COL11A1: variants seen among roughly 807,000 people sequenced by gnomAD.
The protein encoded by COL11A1 is collagen type XI alpha 1 chain, also known as collagen alpha-1(XI) chain.
COL11A1 carries 74 observed loss-of-function variants against 265.2 expected under a neutral mutation model. The ratio of observed to expected loss-of-function variants is 0.28; its 90% CI spans 0.23 to 0.34. COL11A1 has a LOEUF of 0.34. Among genes scored for constraint, COL11A1 ranks in the 10% least tolerant of loss-of-function variants. COL11A1 has a pLI of 1.00. For synonymous variants in COL11A1, 816 were observed against 727.6 expected, an observed-to-expected ratio of 1.12 and a Z score of -1.96; for missense variants, 2,165 against 2,263.6, an observed-to-expected ratio of 0.96 and a Z score of 0.88.
rs540820034 is a variant in COL11A1 at position 103,061,138 on chromosome 1, C to T, written c.651+13480G>A. On this transcript the variant is annotated intron_variant, in intron 4 of 66. Coordinates refer to ENST00000370096, the MANE Select transcript of COL11A1 (RefSeq NM_001854.4). ...ATTTCACACAGTGCAAACTTTGGAGCAGGGAAAATTATTAGAGATAAAGTG... is the reference window on the plus strand; with the variant it reads ...ATTTCACACAGTGCAAACTTTGGAGTAGGGAAAATTATTAGAGATAAAGTG... 2.0e-5 allele frequency among the ~76,000 whole-genome samples: 3 copies of T among 152,044 alleles called. No homozygotes were observed. In the South Asian group the frequency reaches 6.2e-4, roughly 31 times the overall value.
chr1:103,083,313 C>G (rs185229748), intron 1 of COL11A1, among the ~76,000 whole-genome samples: 1 of 149,748 alleles, frequency 6.7e-6, no homozygotes, highest in East Asian at 2.0e-4. Flanking sequence ...TTAAAGTTTC[C>G]TATATATGAT....
At chr1:102,967,396 A>C (rs1661542715) in intron 37 of COL11A1, among the ~76,000 whole-genome samples, 1 of 151,462 alleles carries the variant, frequency 6.6e-6, no homozygotes, top group Admixed American at 6.6e-5. Flanking sequence ...ACCCGCCACC[A>C]AGCCCGGCTA....
At chr1:102,998,433 A>G in intron 24 of COL11A1, 70 bp from the exon 25 acceptor site, 1 of 1,053,740 alleles carries the variant, frequency 9.5e-7, no homozygotes, top group Non-Finnish European at 1.3e-6. Context: ...TACATATACT[A>G]TGAATGAAAT....
intron 11 of COL11A1, among the ~76,000 whole-genome samples, chr1:103,017,058 A>G (rs11164656): frequency 0.031 from 4,648 of 152,116 alleles, 265 homozygotes; most frequent in African/African-American, 0.11. Context: ...TGTCTCCAAG[A>G]AACTGGACAT....
intron 26 of COL11A1, 80 bp downstream of exon 26, chr1:102,997,000 A>G (rs997081007): frequency 1.8e-6 from 2 of 1,126,534 alleles, no homozygotes; most frequent in Non-Finnish European, 2.7e-6. Flanking sequence ...CGTGATTTAT[A>G]TATATGAGAT....
Position 103,022,869 on chromosome 1 carries a change from A to G in COL11A1, c.1118T>C (p.Leu373Pro), listed in dbSNP as rs1173831707. ...ATATTCGCCTAAATCTCCATCTACC[A>G]GAAGATCAGAATCCCTGCCGTCTAT... Reference protein sequence around the residue: ...KEIDGRDSDLLVDGDLGEYDF... With the variant: ...KEIDGRDSDLPVDGDLGEYDF... The change falls in exon 8 of 67, where the codon CTG (leucine) becomes CCG (proline). Residue 373 changes from leucine (L) to proline (P), a missense_variant. Transcript: ENST00000370096. 2 of 1,614,002 alleles carry G rather than the reference A, an allele frequency of 1.2e-6. No individual in the cohort carries two copies. Among genetic ancestry groups the G allele is most frequent in the Admixed American group, 3.3e-5 (2 of 60,024 alleles).
At chr1:102,909,855 G>A (rs990583285) in intron 54 of COL11A1, among the ~76,000 whole-genome samples, 6 of 151,574 alleles carry the variant, frequency 4.0e-5, no homozygotes, top group Non-Finnish European at 8.8e-5. Flanking sequence ...TATAATTGTC[G>A]ATCATTATCC....
chr1:102,947,115 A>G (rs2101411111), intron 41 of COL11A1, among the ~76,000 whole-genome samples, 159 bp from the exon 42 acceptor site: 1 of 152,318 alleles, frequency 6.6e-6, no homozygotes, highest in South Asian at 2.1e-4. Flanking sequence ...AGTTGAATCC[A>G]CTATTTGAGA....
Position 102,887,027 on chromosome 1 carries a change from T to G in COL11A1, c.4638A>C (p.Leu1546Phe). ...PGPPGEVIQPLPILSSKKTRR... is the reference protein window; with the variant it reads ...PGPPGEVIQPFPILSSKKTRR... ...TCGTTTTTTTGGAGGACAAGATTGG[T>G]AAAGGCTGAATGACTTCACCAGGTG... The change falls in exon 63 of 67, where the codon TTA becomes TTC. Residue 1546 changes from leucine to phenylalanine, a missense_variant. Coordinates refer to ENST00000370096, the MANE Select transcript of COL11A1 (RefSeq NM_001854.4). 1 of 1,613,836 alleles carries G rather than the reference T, an allele frequency of 6.2e-7. No homozygotes were observed. The highest frequency in any genetic ancestry group is 8.5e-7 in the Non-Finnish European group (1 of 1,179,810).
chr1:102,908,733 T>A (rs1009367526), intron 54 of COL11A1, among the ~76,000 whole-genome samples: 6 of 152,076 alleles, frequency 3.9e-5, no homozygotes, highest in African/African-American at 1.4e-4. Flanking sequence ...TGCCTATATA[T>A]CTATATAAAA....
chr1:103,067,945 A>G (rs1050573832), intron 4 of COL11A1, among the ~76,000 whole-genome samples: 3 of 151,682 alleles, frequency 2.0e-5, no homozygotes, highest in Admixed American at 6.6e-5. Context: ...AAGAAATTGA[A>G]TATGTTAAAA....
At chr1:102,913,210 G>A (rs1654900984) in intron 53 of COL11A1, among the ~76,000 whole-genome samples, 1 of 151,836 alleles carries the variant, frequency 6.6e-6, no homozygotes, top group Non-Finnish European at 1.5e-5. Context: ...TCATTCACAA[G>A]TTTTTTTTAA....
chr1:102,895,487 A>G (rs1004612569), intron 57 of COL11A1, among the ~76,000 whole-genome samples: 2 of 152,152 alleles, frequency 1.3e-5, no homozygotes, highest in Non-Finnish European at 2.9e-5. Flanking sequence ...AAGAGACCCA[A>G]TAGGTACTTG....
intron 4 of COL11A1, among the ~76,000 whole-genome samples, chr1:103,046,822 A>T (rs1161303973): frequency 6.6e-6 from 1 of 151,416 alleles, no homozygotes; most frequent in African/African-American, 2.4e-5. Context: ...CTTTCTACAT[A>T]TGGCTAGCCA....
chr1:103,072,560 A>G (rs116195762), intron 4 of COL11A1, among the ~76,000 whole-genome samples: 1,578 of 151,938 alleles, frequency 0.01, 26 homozygotes, highest in African/African-American at 0.036. Flanking sequence ...TAGGTATTAT[A>G]ATATAAACCA....
chr1:103,082,050 G>A (rs1672459029), intron 2 of COL11A1, among the ~76,000 whole-genome samples: 1 of 151,886 alleles, frequency 6.6e-6, no homozygotes. Flanking sequence ...CTCGAAAATT[G>A]TCATTTCACC....
intron 29 of COL11A1, 51 bp from the exon 30 acceptor site, chr1:102,987,791 A>G: frequency 7.3e-7 from 1 of 1,377,444 alleles, no homozygotes; most frequent in Non-Finnish European, 1.0e-6. Flanking sequence ...CTTTACAAAA[A>G]TTGTAACAGG....
At chr1:102,987,025 A>C (rs2615976) in intron 30 of COL11A1, among the ~76,000 whole-genome samples, 142,480 of 152,090 alleles carry the variant, frequency 0.94, 66,940 homozygotes, top group East Asian at 1. Context: ...CTTAAGTAGA[A>C]CCTCTTTCAT....
intron 4 of COL11A1, among the ~76,000 whole-genome samples, chr1:103,069,038 C>T (rs1482226225): frequency 6.6e-6 from 1 of 151,694 alleles, no homozygotes; most frequent in Non-Finnish European, 1.5e-5. Context: ...ATTAAAACCA[C>T]AACTTCTTGT....
Sources: gnomAD v4.1 joint callset for allele counts (sites outside exome capture counted in the v4.1 genomes callset) on GRCh38, gnomAD v4.1.1 for gene constraint, MANE v1.5 for transcripts, NCBI Gene and HGNC (gene_info 2026-07-23, HGNC 2026-07-21) for gene names.